Variants in CLASP1 observed in about 807,000 individuals in gnomAD.
The protein encoded by CLASP1 is cytoplasmic linker associated protein 1.
CLASP1 carries 38 observed loss-of-function variants against 192.3 expected under a neutral mutation model. The observed-to-expected ratio is 0.20, with a 90% CI of 0.15 to 0.26. The LOEUF (loss-of-function observed/expected upper bound fraction) is 0.26. CLASP1 is among the 10% of genes least tolerant of loss of function. The pLI is 1.00. For synonymous variants in CLASP1, 691 were observed against 712.8 expected, an observed-to-expected ratio of 0.97 and a Z score of 0.49; for missense variants, 1,433 against 1,932.5, an observed-to-expected ratio of 0.74 and a Z score of 4.85.
intron 37 of CLASP1, among the ~76,000 whole-genome samples, chr2:121,358,688 T>G (rs2065844699): frequency 6.6e-6 from 1 of 152,248 alleles, no homozygotes; most frequent in African/African-American, 2.4e-5. Context: ...TTTGCCATTT[T>G]AATTCTTTAA....
chr2:121,538,858 T>A (rs1437780946), intron 2 of CLASP1, among the ~76,000 whole-genome samples: 1 of 151,524 alleles, frequency 6.6e-6, no homozygotes. Flanking sequence ...AAAGCCAATA[T>A]ATATGAAAAA....
intron 2 of CLASP1, among the ~76,000 whole-genome samples, chr2:121,578,533 T>C (rs2060787278): frequency 6.9e-6 from 1 of 145,188 alleles, no homozygotes; most frequent in Non-Finnish European, 1.5e-5. Context: ...ATCGAGACCA[T>C]CCTGGCCAAC....
intron 19 of CLASP1, among the ~76,000 whole-genome samples, chr2:121,433,241 G>A (rs1038479731): frequency 2.0e-5 from 3 of 151,066 alleles, no homozygotes; most frequent in South Asian, 4.2e-4. Flanking sequence ...AGAATCTCTC[G>A]AAACCGGGGC....
chr2:121,475,035 G>T (rs1331550217), intron 8 of CLASP1, among the ~76,000 whole-genome samples: 4 of 152,172 alleles, frequency 2.6e-5, no homozygotes, highest in African/African-American at 9.7e-5. Flanking sequence ...TTAGAATACA[G>T]TTGACAGTAC....
At chr2:121,457,527 A>G (rs967855816) in intron 14 of CLASP1, among the ~76,000 whole-genome samples, 160 bp downstream of exon 14, 2 of 152,028 alleles carry the variant, frequency 1.3e-5, no homozygotes, top group African/African-American at 4.8e-5. Context: ...ATTTCCCAAA[A>G]TATTTAGATC....
chr2:121,377,551 T>A lies in CLASP1; in HGVS notation c.3590A>T (p.Gln1197Leu). 3.7e-6 allele frequency: 6 copies of A among 1,601,964 alleles called. No individual in the cohort carries two copies. The highest frequency in any genetic ancestry group is 5.1e-6 in the Non-Finnish European group (6 of 1,173,116). ...TTTAATTGGCTCATTCAGATCTTCT[T>A]GGCTTCGAAAACTAAACTTTTCAAT... The change falls in exon 34 of 40, where the codon CAA (glutamine) becomes CTA (leucine). Residue 1197 changes from glutamine (Q) to leucine (L), a missense_variant. Transcript: ENST00000263710.
At chr2:121,591,702 G>T (rs1229275158) in intron 2 of CLASP1, among the ~76,000 whole-genome samples, 1 of 152,142 alleles carries the variant, frequency 6.6e-6, no homozygotes, top group Admixed American at 6.5e-5. Context: ...TCATGGAGCC[G>T]GCTGGGCTAT....
At chr2:121,398,174 G>T in intron 29 of CLASP1, 148 bp downstream of exon 30, 1 of 653,138 alleles carries the variant, frequency 1.5e-6, no homozygotes, top group Non-Finnish European at 2.6e-6. Context: ...TGAACCAAGA[G>T]AAACAGGAAC....
intron 2 of CLASP1, among the ~76,000 whole-genome samples, chr2:121,549,548 T>C (rs1466201611): frequency 6.6e-6 from 1 of 152,026 alleles, no homozygotes; most frequent in East Asian, 1.9e-4. Flanking sequence ...AGAAAATTTA[T>C]AAAGATATTC....
At chr2:121,477,644 A>C (rs1466664354) in intron 8 of CLASP1, among the ~76,000 whole-genome samples, 3 of 152,234 alleles carry the variant, frequency 2.0e-5, no homozygotes, top group Non-Finnish European at 4.4e-5. Context: ...TTCTAGATCA[A>C]TATTAATCTA....
At chr2:121,571,995 A>C (rs938595938) in intron 2 of CLASP1, among the ~76,000 whole-genome samples, 6 of 152,132 alleles carry the variant, frequency 3.9e-5, no homozygotes, top group South Asian at 2.1e-4. Flanking sequence ...AGGAAGAAAG[A>C]AAGCCACTTG....
chr2:121,570,450 G>A (rs1576090384), intron 2 of CLASP1, among the ~76,000 whole-genome samples: 1 of 152,350 alleles, frequency 6.6e-6, no homozygotes, highest in East Asian at 1.9e-4. Flanking sequence ...GAGCATTTCA[G>A]CAACATGGTA....
chr2:121,582,141 C>T (rs146781950), intron 2 of CLASP1, among the ~76,000 whole-genome samples: 7 of 148,052 alleles, frequency 4.7e-5, no homozygotes, highest in East Asian at 3.9e-4. Flanking sequence ...CCAGCCTGGG[C>T]GACAGATAAT....
chr2:121,401,547 A>C (rs1410317003), exon 28 of CLASP1: 2 of 1,613,412 alleles, frequency 1.2e-6, no homozygotes, highest in Non-Finnish European at 1.7e-6. Context: ...TTGCTTGCAC[A>C]GATCCAAGTA....
At position 121,463,266 on chromosome 2, in the gene CLASP1, T is replaced by C. The variant is rs1041340504; in HGVS notation, c.866-661A>G. Among the ~76,000 whole-genome samples, 4 of 152,170 alleles carry C rather than the reference T, an allele frequency of 2.6e-5. No individual in the cohort carries two copies. In the South Asian group the frequency reaches 8.3e-4, roughly 32 times the overall value. On this transcript the variant is annotated intron_variant, in intron 9 of 39. Transcript: ENST00000263710. Reference sequence around the variant, plus strand: ...TCAGATTTTTTTCACATTGTAAAAATTGGTATCTATAGTCCTCTTCATAAC... The same window carrying C: ...TCAGATTTTTTTCACATTGTAAAAACTGGTATCTATAGTCCTCTTCATAAC...
intron 1 of CLASP1, among the ~76,000 whole-genome samples, chr2:121,631,547 A>C (rs181732286): frequency 5.7e-4 from 87 of 152,034 alleles, no homozygotes; most frequent in African/African-American, 2.0e-3. Context: ...CGACCTCCCA[A>C]AGTGCTGGGA....
At chr2:121,473,056 T>C (rs1357670788) in intron 8 of CLASP1, among the ~76,000 whole-genome samples, 1 of 152,046 alleles carries the variant, frequency 6.6e-6, no homozygotes, top group East Asian at 1.9e-4. Flanking sequence ...TAATAAAAAA[T>C]TCCTTCACTA....
At chr2:121,457,661 CA>C (rs2086988142) in intron 14 of CLASP1, 25 bp downstream of exon 14, 1 of 1,571,892 alleles carries the variant, frequency 6.4e-7, no homozygotes, top group Non-Finnish European at 8.7e-7. Flanking sequence ...AATTCAAAAA[CA>C]ATGAGAAAAT....
chr2:121,424,599 C>T (rs2080075010), intron 22 of CLASP1, among the ~76,000 whole-genome samples: 1 of 152,110 alleles, frequency 6.6e-6, no homozygotes, highest in African/African-American at 2.4e-5. Context: ...TACAAAGAAA[C>T]TAAGTAACAC....
Sources: allele counts gnomAD v4.1 joint callset (sites outside exome capture counted in the v4.1 genomes callset), GRCh38; gene constraint gnomAD v4.1.1; transcripts MANE v1.5; gene names NCBI Gene and HGNC (gene_info 2026-07-23, HGNC 2026-07-21).